CTNNA3: variants seen among roughly 807,000 people sequenced by gnomAD.
CTNNA3 encodes the protein catenin alpha-3.
CTNNA3 carries 76 observed loss-of-function variants against 95.7 expected under a neutral mutation model. The ratio of observed to expected loss-of-function variants is 0.79; its 90% CI spans 0.66 to 0.96. The LOEUF is 0.96. Ranked by LOEUF, CTNNA3 falls within the 40% of genes least tolerant of loss-of-function variation. CTNNA3 has a pLI of 0.00. For missense variants in CTNNA3, 1,191 were observed against 1,089.8 expected, an observed-to-expected ratio of 1.09 and a Z score of -1.31; for synonymous variants, 431 against 374.4, an observed-to-expected ratio of 1.15 and a Z score of -1.74.
At chr10:66,811,557 T>C (rs1458196891) in intron 7 of CTNNA3, among the ~76,000 whole-genome samples, 1 of 152,160 alleles carries the variant, frequency 6.6e-6, no homozygotes, top group Non-Finnish European at 1.5e-5. Context: ...TTCTTAGCTG[T>C]ATAGAATTAG....
chr10:67,577,159 C>T (rs1798538503), intron 3 of CTNNA3, among the ~76,000 whole-genome samples: 2 of 151,496 alleles, frequency 1.3e-5, no homozygotes, highest in African/African-American at 2.4e-5. Context: ...AACTAGTTTA[C>T]AGTCCCACCA....
intron 11 of CTNNA3, among the ~76,000 whole-genome samples, chr10:66,508,670 C>T (rs1457128327): frequency 1.3e-5 from 2 of 152,062 alleles, no homozygotes; most frequent in East Asian, 1.9e-4. Flanking sequence ...TCTTATTTCA[C>T]TTAATGTCAT....
chr10:66,375,416 G>A lies in CTNNA3; in HGVS notation c.1732+3736C>T, dbSNP rs184699192. Among the ~76,000 whole-genome samples the A allele has an allele frequency of 3.4e-4, 52 of 152,106 alleles. 1 individual carries two copies. Among genetic ancestry groups the A allele is most frequent in the Admixed American group, 1.9e-3 (29 of 15,282 alleles). On this transcript the variant is annotated intron_variant, in intron 12 of 17. Transcript: ENST00000433211. ...CACCACTAAGCTCCAGCCAATTCCC[G>A]TGAAAATTATGTTGGTCAAAACTCC...
intron 2 of CTNNA3, among the ~76,000 whole-genome samples, chr10:67,644,173 C>T (rs912869703): frequency 6.6e-6 from 1 of 152,182 alleles, no homozygotes; most frequent in African/African-American, 2.4e-5. Flanking sequence ...ATTCCTATTT[C>T]TCCATGTCCT....
chr10:66,126,586 G>A (rs1294886806), intron 13 of CTNNA3, among the ~76,000 whole-genome samples: 3 of 152,054 alleles, frequency 2.0e-5, no homozygotes, highest in Admixed American at 2.0e-4. Flanking sequence ...CTAATTCTAC[G>A]ACTGGGAAGG....
chr10:66,977,151 A>T (rs1850084834), intron 7 of CTNNA3, among the ~76,000 whole-genome samples: 1 of 152,072 alleles, frequency 6.6e-6, no homozygotes, highest in Non-Finnish European at 1.5e-5. Flanking sequence ...AGAATATATA[A>T]AGGTTGGCCG....
chr10:67,191,472 AAAAG>A (rs1417868499), intron 6 of CTNNA3, among the ~76,000 whole-genome samples: 51 of 152,042 alleles, frequency 3.4e-4, no homozygotes, highest in Non-Finnish European at 1.5e-4. Context: ...AACTATCTGA[AAAAG>A]AAAGAAAACA....
chr10:66,493,599 A>ATTTTTTTTTTTTTTTTTTTTTTTTTTTTT lies in CTNNA3; in HGVS notation c.1531+27017_1531+27018insAAAAAAAAAAAAAAAAAAAAAAAAAAAAA, dbSNP rs528761424. On this transcript the variant is annotated intron_variant, in intron 11 of 17. Transcript: ENST00000433211. Reference sequence around the variant, plus strand: ...GGGTTGGCTAACATTTAACTACAGTATTTTTTTTTTTTTTTTTTTTGAGAC... The same window carrying ATTTTTTTTTTTTTTTTTTTTTTTTTTTTT: ...GGGTTGGCTAACATTTAACTACAGTATTTTTTTTTTTTTTTTTTTTTTTTTTTTTTTTTTTTTTTTTTTTTTTTTGAGAC... 8.9e-5 allele frequency among the ~76,000 whole-genome samples: 10 copies of ATTTTTTTTTTTTTTTTTTTTTTTTTTTTT among 112,020 alleles called. 1 individual carries two copies. The highest frequency in any genetic ancestry group is 3.3e-4 in the South Asian group (1 of 3,062). 73.5% of individuals were successfully genotyped at this position (112,020 alleles called of 152,430 possible).
chr10:67,638,325 T>C (rs921369202), intron 2 of CTNNA3, among the ~76,000 whole-genome samples: 2 of 152,154 alleles, frequency 1.3e-5, no homozygotes, highest in African/African-American at 4.8e-5. Flanking sequence ...TAAATATATA[T>C]GCACCCAATA....
At chr10:66,870,229 A>C (rs1844343997) in intron 7 of CTNNA3, among the ~76,000 whole-genome samples, 1 of 152,184 alleles carries the variant, frequency 6.6e-6, no homozygotes, top group African/African-American at 2.4e-5. Flanking sequence ...CAAATTAGGA[A>C]ATTAGCAACA....
intron 9 of CTNNA3, among the ~76,000 whole-genome samples, chr10:66,746,583 T>C (rs944379997): frequency 2.0e-5 from 3 of 152,196 alleles, no homozygotes; most frequent in African/African-American, 7.2e-5. Flanking sequence ...TCTTCACAAC[T>C]ACTCTGTAAA....
chr10:66,673,172 A>G (rs1174986881), intron 9 of CTNNA3, among the ~76,000 whole-genome samples: 4 of 152,134 alleles, frequency 2.6e-5, no homozygotes, highest in Non-Finnish European at 4.4e-5. Flanking sequence ...GATAACAAAT[A>G]GCATGAAAAA....
At chr10:66,190,078 C>A (rs2086588448) in intron 13 of CTNNA3, among the ~76,000 whole-genome samples, 1 of 152,132 alleles carries the variant, frequency 6.6e-6, no homozygotes, top group Admixed American at 6.6e-5. Context: ...AGAAGCTCAA[C>A]AACTTCCAGT....
rs1057208601 is a variant in CTNNA3, at chr10:66,601,612, G to A, written c.1374+20080C>T. Among the ~76,000 whole-genome samples, 4 of 151,764 alleles carry A rather than the reference G, an allele frequency of 2.6e-5. No individual in the cohort carries two copies. The East Asian group carries it at 5.8e-4, about 22-fold the overall frequency. ...GTTATACTAACCATCTGTAATGGGAGGACTGCTTAGACTGTTTTAAATTAC... is the reference window on the plus strand; with the variant it reads ...GTTATACTAACCATCTGTAATGGGAAGACTGCTTAGACTGTTTTAAATTAC... On this transcript the variant is annotated intron_variant, in intron 10 of 17. Transcript: ENST00000433211.
At chr10:67,047,423 A>G (rs559450352) in intron 7 of CTNNA3, among the ~76,000 whole-genome samples, 14 of 152,286 alleles carry the variant, frequency 9.2e-5, no homozygotes, top group African/African-American at 3.4e-4. Context: ...GGATAGTGCT[A>G]AGTGTGAAAG....
At chr10:66,865,190 C>G (rs115229306) in intron 7 of CTNNA3, among the ~76,000 whole-genome samples, 2 of 142,650 alleles carry the variant, frequency 1.4e-5, no homozygotes, top group African/African-American at 5.3e-5. Context: ...TATCATTTAA[C>G]AGGCATGGGG....
chr10:66,723,546 C>A (rs1481292723), intron 9 of CTNNA3, among the ~76,000 whole-genome samples: 2 of 152,220 alleles, frequency 1.3e-5, no homozygotes, highest in Admixed American at 6.5e-5. Flanking sequence ...CTATAGTCAT[C>A]TTACTTACTT....
chr10:66,367,618 A>G (rs995513447), intron 12 of CTNNA3, among the ~76,000 whole-genome samples: 2 of 149,766 alleles, frequency 1.3e-5, no homozygotes, highest in African/African-American at 4.9e-5. Context: ...AACAATGACA[A>G]AAGAAATGAC....
intron 2 of CTNNA3, among the ~76,000 whole-genome samples, chr10:67,643,722 C>T (rs1324488577): frequency 1.3e-5 from 2 of 151,906 alleles, no homozygotes; most frequent in Non-Finnish European, 1.5e-5. Context: ...TGTGATGTTC[C>T]CCTCCCTGTG....
Sources: allele counts gnomAD v4.1 joint callset (sites outside exome capture counted in the v4.1 genomes callset), GRCh38; gene constraint gnomAD v4.1.1; transcripts MANE v1.5; gene names NCBI Gene and HGNC (gene_info 2026-07-23, HGNC 2026-07-21).